Variants in DLEC1 observed in about 807,000 individuals in gnomAD.
DLEC1 encodes the protein DLEC1 cilia and flagella associated protein.
Under a neutral mutation model 198.1 loss-of-function variants are expected in DLEC1, and 146 were observed. The ratio of observed to expected loss-of-function variants is 0.74; its 90% confidence interval spans 0.64 to 0.85. DLEC1 has a LOEUF of 0.85. Among genes scored for constraint, DLEC1 ranks in the 40% least tolerant of loss-of-function variants. The probability of loss-of-function intolerance (pLI) is 0.00; values close to 1 mark genes in which losing one functional copy is unlikely to be tolerated. For missense variants in DLEC1, 2,233 were observed against 2,220.0 expected (o/e 1.01, Z -0.12); for synonymous variants, 897 against 866.8 (o/e 1.03, Z -0.61).
chr3:38,117,453 T>C (rs1408345470), intron 31 of DLEC1, 74 bp from the exon 32 acceptor site: 4 of 1,608,146 alleles, frequency 2.5e-6, no homozygotes, highest in Non-Finnish European at 3.4e-6. Context: ...GGCCCGAGGC[T>C]GGATGAGCAG....
chr3:38,123,067 A>G lies in DLEC1; in HGVS notation c.*655A>G. 1 of 1,614,150 alleles carries G rather than the reference A, an allele frequency of 6.2e-7. No individual in the cohort carries two copies. On this transcript the variant is annotated 3_prime_UTR_variant, in exon 37 of 37. Transcript: ENST00000308059. ...CTCACTCAGTTCCCAGGGTATTCAA[A>G]GACGGCAGCGGCTCCCATTCCAGTC...
intron 12 of DLEC1, among the ~76,000 whole-genome samples, 160 bp from the exon 13 acceptor site, chr3:38,094,719 T>C (rs1698918241): frequency 6.6e-6 from 1 of 152,166 alleles, no homozygotes; most frequent in African/African-American, 2.4e-5. Context: ...CCCTCCTCCA[T>C]TGGAGGGTCC....
Position 38,100,343 on chromosome 3 carries a change from A to G in DLEC1, c.2782A>G (p.Arg928Gly). The G allele has an allele frequency of 1.9e-6, 3 of 1,613,960 alleles. 1 individual carries two copies. The Middle Eastern group carries it at 5.0e-4, about 266-fold the overall frequency. The change falls in exon 19 of 37, where the codon AGG becomes GGG. Residue 928 changes from arginine to glycine, a missense_variant. Arg to Gly is a moderately radical substitution (Grantham distance 125, BLOSUM62 -2). Transcript: ENST00000308059. ...SGQLHSLGEC[R>G]VDITLEALHC... is the part of the protein sequence containing the mutation. ...CCAGCTTCACTCTCTGGGGGAGTGC[A>G]GGGTGGACATCACCTTGGAGGCCCT... is the stretch of plus-strand genomic sequence containing the variant.
At position 38,097,643 on chromosome 3, in the gene DLEC1, G is replaced by A. The variant is rs1472649503; in HGVS notation, c.2565+6G>A. On this transcript the variant is annotated splice_donor_region_variant and intron_variant, in intron 17 of 36. Coordinates refer to ENST00000308059, the MANE Select transcript of DLEC1 (RefSeq NM_007335.4). ...ACATTGAGGCTGTCTTTAAGGTGCT[G>A]CAGGTGGAGCTGGGCAGTGGGGTGG... 1 of 1,614,076 alleles carries A rather than the reference G, an allele frequency of 6.2e-7. No individual in the cohort carries two copies. Among genetic ancestry groups the A allele is most frequent in the East Asian group, 2.2e-5 (1 of 44,888 alleles).
At chr3:38,116,954 A>G (rs1700205577) in intron 29 of DLEC1, 21 bp from the exon 30 acceptor site, 1 of 1,613,558 alleles carries the variant, frequency 6.2e-7, no homozygotes, top group African/African-American at 1.3e-5. Context: ...GACAGTGCTA[A>G]GGCTGCTGTG....
rs1289934361 is a variant in DLEC1, at chr3:38,122,099, G to A, written c.5049G>A (p.Val1683=). The change falls in exon 36 of 37, where the codon GTG becomes GTA. Residue 1683 remains valine, a synonymous_variant. Coordinates refer to ENST00000308059, the MANE Select transcript of DLEC1 (RefSeq NM_007335.4). ...MGQQEPAKAA[V]AFRVSPNSGL... Reference sequence around the variant, plus strand: ...AGCAGGAGCCAGCCAAGGCCGCTGTGGCCTTCAGGGTCTCCCCAAACAGTG... The same window carrying A: ...AGCAGGAGCCAGCCAAGGCCGCTGTAGCCTTCAGGGTCTCCCCAAACAGTG... The A allele has an allele frequency of 6.2e-7, 1 of 1,614,094 alleles. No homozygotes were observed. The highest frequency in any genetic ancestry group is 1.7e-5 in the Admixed American group (1 of 60,014).
At chr3:38,041,927 A>C (rs1429620416) in intron 1 of DLEC1, among the ~76,000 whole-genome samples, 5 of 152,154 alleles carry the variant, frequency 3.3e-5, no homozygotes, top group African/African-American at 4.8e-5. Context: ...ACACTATGGA[A>C]TACTACAAAG....
At position 38,095,874 on chromosome 3, in the gene DLEC1, T is replaced by G. The variant is rs642817; in HGVS notation, c.2113-14T>G. On this transcript the variant is annotated splice_polypyrimidine_tract_variant and intron_variant, in intron 13 of 36. Coordinates refer to ENST00000308059, the MANE Select transcript of DLEC1 (RefSeq NM_007335.4). ...ACGCAGTGGTGTTTTCAGGGCACTGTGTTTGCCTTGCAGCTGAGGGATTTT... is the reference window on the plus strand; with the variant it reads ...ACGCAGTGGTGTTTTCAGGGCACTGGGTTTGCCTTGCAGCTGAGGGATTTT... The G allele has an allele frequency of 6.2e-7, 1 of 1,613,640 alleles. No homozygotes were observed. Among genetic ancestry groups the G allele is most frequent in the African/African-American group, 1.3e-5 (1 of 74,912 alleles).
At chr3:38,115,872 G>A (rs543969072) in intron 27 of DLEC1, among the ~76,000 whole-genome samples, 1 of 152,052 alleles carries the variant, frequency 6.6e-6, no homozygotes, top group African/African-American at 2.4e-5. Flanking sequence ...CCCAGCTTAG[G>A]TTGGGGACAG....
At chr3:38,086,599 G>T (rs1575176384) in intron 9 of DLEC1, among the ~76,000 whole-genome samples, 1 of 152,140 alleles carries the variant, frequency 6.6e-6, no homozygotes, top group South Asian at 2.1e-4. Flanking sequence ...CTGGGCAAGC[G>T]GTATCACCTC....
intron 1 of DLEC1, among the ~76,000 whole-genome samples, chr3:38,042,557 T>A (rs1316522952): frequency 6.9e-6 from 1 of 145,792 alleles, no homozygotes; most frequent in Non-Finnish European, 1.5e-5. Context: ...GCTGGCTTTT[T>A]TTTTTTTTTT....
intron 1 of DLEC1, among the ~76,000 whole-genome samples, chr3:38,044,424 A>G (rs1410080413): frequency 6.6e-6 from 1 of 151,966 alleles, no homozygotes; most frequent in Non-Finnish European, 1.5e-5. Flanking sequence ...TTAGCTGGGC[A>G]TCATGGCGGG....
Position 38,081,190 on chromosome 3 carries a change from A to G in DLEC1, c.1174-2968A>G, listed in dbSNP as rs1216990675. Reference sequence around the variant, plus strand: ...AGGAATTTTTCTTAGTGCAGAACAAAATGAAAAGTCTCCCATGTCTACTTC... The same window carrying G: ...AGGAATTTTTCTTAGTGCAGAACAAGATGAAAAGTCTCCCATGTCTACTTC... On this transcript the variant is annotated intron_variant, in intron 6 of 36. Transcript: ENST00000308059. Among the ~76,000 whole-genome samples the G allele has an allele frequency of 2.9e-5, 4 of 139,838 alleles. No homozygotes were observed. The Admixed American group carries it at 3.0e-4, about 10-fold the overall frequency. The allele number at this position is 139,838 out of a possible 152,430, so 91.7% of individuals were successfully genotyped here.
In DLEC1 at chr3:38,083,188, C is replaced by T. The variant is rs569633692; in HGVS notation, c.1174-970C>T. ...GGTCGTAGGTGGTTTCATGTGCGTC[C>T]GTGTGAAGAGACCACCAAACAGGCT... On this transcript the variant is annotated intron_variant, in intron 6 of 36. Transcript: ENST00000308059. 5.3e-3 allele frequency among the ~76,000 whole-genome samples: 809 copies of T among 151,516 alleles called. 5 individuals are homozygous for T. The highest frequency in any genetic ancestry group is 8.0e-3 in the Non-Finnish European group (543 of 67,914).
intron 31 of DLEC1, 100 bp downstream of exon 31, chr3:38,117,402 G>A: frequency 3.1e-6 from 5 of 1,597,552 alleles, no homozygotes; most frequent in Non-Finnish European, 4.3e-6. Flanking sequence ...AAAAGGACGG[G>A]CATGGGTGGA....
In DLEC1 at chr3:38,120,555, A is replaced by G. The variant is rs1575245759; in HGVS notation, c.4812A>G (p.Arg1604=). 2 of 1,614,130 alleles carry G rather than the reference A, an allele frequency of 1.2e-6. No homozygotes were observed. The highest frequency in any genetic ancestry group is 1.3e-5 in the African/African-American group (1 of 75,054). Residue 1604 remains arginine, a synonymous_variant, in exon 34 of 37, where the codon AGA becomes AGG. Transcript: ENST00000308059. The part of the protein sequence containing the change: ...VDIQQSASGE[R]EMVFTQNLLL... ...TTCAGCAGAGTGCGAGTGGAGAGAG[A>G]GAGATGGTGTTTACTCAGAACCTGC...
chr3:38,089,806 T>A (rs922762975), intron 10 of DLEC1, among the ~76,000 whole-genome samples: 66 of 152,056 alleles, frequency 4.3e-4, no homozygotes, highest in African/African-American at 1.6e-3. Flanking sequence ...GCGTATTTTG[T>A]TTACTGATTG....
chr3:38,050,109 C>T (rs2125584939), intron 2 of DLEC1, among the ~76,000 whole-genome samples: 1 of 151,968 alleles, frequency 6.6e-6, no homozygotes, highest in Middle Eastern at 3.4e-3. Context: ...CGCTTCATCA[C>T]CCAGGCTGGA....
chr3:38,062,259 C>G lies in DLEC1; in HGVS notation c.764C>G (p.Ser255Ter). 6.2e-7 allele frequency: 1 copy of G among 1,614,208 alleles called. No homozygotes were observed. Among genetic ancestry groups the G allele is most frequent in the Non-Finnish European group, 8.5e-7 (1 of 1,180,048 alleles). ...KKELNKKLED[S>*]CRKKLAEFED... is the part of the protein sequence containing the mutation. Reference sequence around the variant, plus strand: ...GAGCTGAACAAGAAGCTTGAAGATTCATGCAGGAAGAAGCTTGCTGAGTTC... The same window carrying G: ...GAGCTGAACAAGAAGCTTGAAGATTGATGCAGGAAGAAGCTTGCTGAGTTC... The change falls in exon 4 of 37, where the codon TCA (serine) becomes TGA (stop). Residue 255 changes from serine to a stop codon, truncating the protein, a stop_gained. Coordinates refer to ENST00000308059, the MANE Select transcript of DLEC1 (RefSeq NM_007335.4). LOFTEE classifies it high-confidence loss of function.
Sources: allele counts gnomAD v4.1 joint callset (sites outside exome capture counted in the v4.1 genomes callset), GRCh38; gene constraint gnomAD v4.1.1; transcripts MANE v1.5; gene names NCBI Gene and HGNC (gene_info 2026-07-23, HGNC 2026-07-21).